The following FIGN variants were observed in gnomAD, a reference collection of about 807,000 sequenced individuals.
The protein encoded by FIGN is fidgetin, microtubule severing factor.
In FIGN, 11 loss-of-function variants were observed where a neutral mutation model predicts 51.3. The ratio of observed to expected loss-of-function variants is 0.21; its 90% confidence interval spans 0.13 to 0.35. FIGN has a LOEUF of 0.35. FIGN is among the 10% of genes least tolerant of loss of function. The pLI, the probability that FIGN is intolerant of heterozygous loss-of-function variation, is 1.00. For synonymous variants in FIGN, 407 were observed against 363.2 expected, an observed-to-expected ratio of 1.12 and a Z score of -1.37; for missense variants, 857 against 943.6, an observed-to-expected ratio of 0.91 and a Z score of 1.20.
At chr2:163,612,228 A>G (rs1411767895) in intron 2 of FIGN, 1 of 763,750 alleles carries the variant, frequency 1.3e-6, no homozygotes, top group East Asian at 1.3e-4. Flanking sequence ...CAGTATTAAC[A>G]TGTACAATAT....
In FIGN at chr2:163,609,837, C is replaced by T; in HGVS notation, c.1995G>A (p.Leu665=). The T allele has an allele frequency of 6.2e-7, 1 of 1,614,162 alleles. No individual in the cohort carries two copies. Among genetic ancestry groups the T allele is most frequent in the Non-Finnish European group, 8.5e-7 (1 of 1,180,026 alleles). Residue 665 remains leucine (L), a synonymous_variant, in exon 3 of 3, where the codon CTG becomes CTA. Coordinates refer to ENST00000333129, the MANE Select transcript of FIGN (RefSeq NM_018086.4). Reference sequence around the variant, plus strand: ...TGAGACAGTAATTGTGCTGTGAGAGCAGTTGTACTATTATCTGGTGCCTCG... The same window carrying T: ...TGAGACAGTAATTGTGCTGTGAGAGTAGTTGTACTATTATCTGGTGCCTCG... The part of the protein sequence containing the change: ...STARHQIIVQ[L]LSQHNYCLND...
chr2:163,711,032 C>A (rs1559029357), intron 2 of FIGN, among the ~76,000 whole-genome samples: 1 of 152,110 alleles, frequency 6.6e-6, no homozygotes, highest in African/African-American at 2.4e-5. Context: ...CACACATAGA[C>A]ACACAACATA....
Position 163,632,176 on chromosome 2 carries a change from T to A in FIGN, c.26-20370A>T, listed in dbSNP as rs1285308322. ...AAAATATATAAAAATAAAAAATATA[T>A]TTAAGGTATTTAAAAAGTAATAAAG... is the stretch of plus-strand genomic sequence containing the variant. On this transcript the variant is annotated intron_variant, in intron 2 of 2. Coordinates refer to ENST00000333129, the MANE Select transcript of FIGN (RefSeq NM_018086.4). Among the ~76,000 whole-genome samples, 4 of 152,206 alleles carry A rather than the reference T, an allele frequency of 2.6e-5. No individual in the cohort carries two copies. In the East Asian group the frequency reaches 5.8e-4, roughly 22 times the overall value.
chr2:163,673,598 G>C (rs745923063), intron 2 of FIGN, among the ~76,000 whole-genome samples: 2 of 152,102 alleles, frequency 1.3e-5, no homozygotes, highest in Non-Finnish European at 2.9e-5. Context: ...GAAAGATCTA[G>C]TAATGAAGCC....
At chr2:163,705,285 T>G (rs964895839) in intron 2 of FIGN, among the ~76,000 whole-genome samples, 1 of 152,194 alleles carries the variant, frequency 6.6e-6, no homozygotes, top group African/African-American at 2.4e-5. Context: ...CACTCTTCGT[T>G]GCACAGCTGA....
At chr2:163,646,963 C>G (rs144141436) in intron 2 of FIGN, among the ~76,000 whole-genome samples, 1 of 152,206 alleles carries the variant, frequency 6.6e-6, no homozygotes, top group African/African-American at 2.4e-5. Context: ...GCCACAGTTA[C>G]GGGAGCCCAG....
intron 2 of FIGN, among the ~76,000 whole-genome samples, chr2:163,668,605 T>C (rs1014173739): frequency 6.6e-6 from 1 of 152,128 alleles, no homozygotes; most frequent in Non-Finnish European, 1.5e-5. Context: ...TTTCCCCCTC[T>C]CTGTCCAGTT....
At chr2:163,687,518 A>C (rs1270541887) in intron 2 of FIGN, among the ~76,000 whole-genome samples, 1 of 152,152 alleles carries the variant, frequency 6.6e-6, no homozygotes, top group East Asian at 1.9e-4. Flanking sequence ...AGAGTACTAG[A>C]CTTCACTCCA....
At chr2:163,713,085 G>T (rs1156896190) in intron 2 of FIGN, among the ~76,000 whole-genome samples, 4 of 152,110 alleles carry the variant, frequency 2.6e-5, no homozygotes, top group African/African-American at 4.8e-5. Context: ...TGTTTATTTT[G>T]TTTATGTAAA....
chr2:163,700,191 G>A (rs562624773), intron 2 of FIGN, among the ~76,000 whole-genome samples: 35 of 152,228 alleles, frequency 2.3e-4, no homozygotes, highest in African/African-American at 8.4e-4. Flanking sequence ...TAACGCTGGA[G>A]GAACATTTTT....
At chr2:163,691,723 T>A (rs1346792167) in intron 2 of FIGN, among the ~76,000 whole-genome samples, 2 of 152,126 alleles carry the variant, frequency 1.3e-5, no homozygotes, top group African/African-American at 4.8e-5. Context: ...CAATCAACTT[T>A]CTCTTTTCAG....
chr2:163,647,153 ATTAG>A (rs1451597434), intron 2 of FIGN, among the ~76,000 whole-genome samples: 3 of 152,226 alleles, frequency 2.0e-5, no homozygotes, highest in African/African-American at 4.8e-5. Context: ...TACCAAAGAG[ATTAG>A]TTAGAGAAGG....
At chr2:163,630,677 G>GA (rs1683133011) in intron 2 of FIGN, among the ~76,000 whole-genome samples, 1 of 146,652 alleles carries the variant, frequency 6.8e-6, no homozygotes, top group Non-Finnish European at 1.5e-5. Flanking sequence ...CAAAAAAAAG[G>GA]GGGGGGGGAA....
Position 163,609,560 on chromosome 2 carries a change from T to C in FIGN, c.2272A>G (p.Ser758Gly). 6.2e-7 allele frequency: 1 copy of C among 1,606,052 alleles called. No homozygotes were observed. The highest frequency in any genetic ancestry group is 1.1e-5 in the South Asian group (1 of 90,390). The part of the protein sequence containing the change: ...YVEWNKMFGC[S>G]Q ...TTTTTCTAAAGAAGTTATCACTGAC[T>C]GCAACCAAACATTTTGTTCCATTCA... is the stretch of plus-strand genomic sequence containing the variant. Residue 758 changes from serine (S) to glycine (G), a missense_variant, in exon 3 of 3, where the codon AGT becomes GGT. Ser to Gly is a moderately conservative substitution (Grantham distance 56, BLOSUM62 0). Coordinates refer to ENST00000333129, the MANE Select transcript of FIGN (RefSeq NM_018086.4).
intron 2 of FIGN, among the ~76,000 whole-genome samples, chr2:163,688,882 CAAT>C (rs978866515): frequency 1.3e-5 from 2 of 152,076 alleles, no homozygotes; most frequent in African/African-American, 2.4e-5. Context: ...TAATATACAA[CAAT>C]GAGGCTGGGT....
chr2:163,636,961 C>T (rs1162460238), intron 2 of FIGN, among the ~76,000 whole-genome samples: 1 of 152,064 alleles, frequency 6.6e-6, no homozygotes, highest in Non-Finnish European at 1.5e-5. Flanking sequence ...CGCCTGTAGT[C>T]CCAGCTAATT....
chr2:163,612,722 T>TGTG, intron 2 of FIGN: 2 of 210,252 alleles, frequency 9.5e-6, no homozygotes, highest in Non-Finnish European at 1.5e-5. Flanking sequence ...GTGTGTGTAT[T>TGTG]TATACACATC....
intron 2 of FIGN, among the ~76,000 whole-genome samples, chr2:163,691,030 A>T (rs369818874): frequency 6.6e-6 from 1 of 152,188 alleles, no homozygotes; most frequent in East Asian, 1.9e-4. Context: ...CAACCCAAAT[A>T]GTCTTTCAGT....
At position 163,658,770 on chromosome 2, in the gene FIGN, C is replaced by G. The variant is rs140815703; in HGVS notation, c.26-46964G>C. On this transcript the variant is annotated intron_variant, in intron 2 of 2. Coordinates refer to ENST00000333129, the MANE Select transcript of FIGN (RefSeq NM_018086.4). ...AAACACCTTTCACTAGGATTTACCT[C>G]CAACATTGGGGATCAAATTTCAACA... Among the ~76,000 whole-genome samples, 298 of 152,310 alleles carry G rather than the reference C, an allele frequency of 2.0e-3. 2 individuals carry two copies. Among genetic ancestry groups the G allele is most frequent in the African/African-American group, 6.5e-3 (271 of 41,572 alleles).
Sources: gnomAD v4.1 joint callset for allele counts (sites outside exome capture counted in the v4.1 genomes callset) on GRCh38, gnomAD v4.1.1 for gene constraint, MANE v1.5 for transcripts, NCBI Gene and HGNC (gene_info 2026-07-23, HGNC 2026-07-21) for gene names.